Variants in DENND6A observed in about 807,000 individuals in gnomAD.
DENND6A encodes the protein protein DENND6A.
Under a neutral mutation model 95.5 loss-of-function variants are expected in DENND6A, and 43 were observed. The observed-to-expected ratio is 0.45, with a 90% CI of 0.35 to 0.58. The LOEUF is 0.58. DENND6A is among the 20% of genes least tolerant of loss of function. DENND6A has a pLI of 0.00. For synonymous variants in DENND6A, 257 were observed against 260.4 expected (o/e 0.99, Z 0.13); for missense variants, 574 against 736.0 (o/e 0.78, Z 2.55).
chr3:57,670,926 T>C (rs1374697730), intron 3 of DENND6A, among the ~76,000 whole-genome samples: 1 of 152,206 alleles, frequency 6.6e-6, no homozygotes, highest in Non-Finnish European at 1.5e-5. Flanking sequence ...ACAGATTTTA[T>C]AAGAAAAATG....
rs1431756591 is a variant in DENND6A at position 57,627,007 on chromosome 3, A to G, written c.*1207T>C. ...CACTCAAATAAGTATCACATAAAAA[A>G]CTCATGAATGCCTTTGAAATAAGAA... On this transcript the variant is annotated 3_prime_UTR_variant, in exon 20 of 20. Coordinates refer to ENST00000311128, the MANE Select transcript of DENND6A (RefSeq NM_152678.3). 1.3e-5 allele frequency: 2 copies of G among 152,094 alleles called. No homozygotes were observed. Among genetic ancestry groups the G allele is most frequent in the Non-Finnish European group, 2.9e-5 (2 of 68,014 alleles). The allele number at this position is 152,094 out of a possible 1,614,324, so 9.4% of individuals were successfully genotyped here.
At chr3:57,683,551 A>G (rs1423173944) in intron 1 of DENND6A, among the ~76,000 whole-genome samples, 1 of 152,258 alleles carries the variant, frequency 6.6e-6, no homozygotes, top group East Asian at 1.9e-4. Context: ...CATTTTGCCA[A>G]CTAAAGGATC....
chr3:57,661,401 G>C, intron 6 of DENND6A, 45 bp downstream of exon 6: 1 of 1,362,848 alleles, frequency 7.3e-7, no homozygotes, highest in African/African-American at 1.5e-5. Context: ...CTTATTTCCA[G>C]TAAAAATTTT....
chr3:57,669,438 A>G (rs992203051), intron 3 of DENND6A, among the ~76,000 whole-genome samples: 1 of 152,082 alleles, frequency 6.6e-6, no homozygotes. Context: ...AAAATCAGTC[A>G]GGCGTGGTAG....
rs769982642 is a variant in DENND6A, at chr3:57,661,570, C to T, written c.514-19G>A. 2 of 1,543,898 alleles carry T rather than the reference C, an allele frequency of 1.3e-6. No individual in the cohort carries two copies. The highest frequency in any genetic ancestry group is 1.7e-6 in the Non-Finnish European group (2 of 1,150,306). ...CCAAGGACTGAGGAAAAAACAAAAA[C>T]AATGTTTTAAAAATTGCTTTGTCAT... On this transcript the variant is annotated intron_variant, in intron 5 of 19. Transcript: ENST00000311128.
chr3:57,661,676 G>T (rs968277889), intron 5 of DENND6A, 125 bp from the exon 6 acceptor site: 7 of 707,258 alleles, frequency 9.9e-6, no homozygotes, highest in African/African-American at 1.9e-5. Context: ...TTTTACAGTG[G>T]ATAGTTAAAA....
intron 4 of DENND6A, 143 bp from the exon 5 acceptor site, chr3:57,663,859 A>G (rs1453888890): frequency 3.7e-5 from 16 of 427,246 alleles, no homozygotes; most frequent in Non-Finnish European, 6.3e-5. Flanking sequence ...ACGAAGAGCT[A>G]GTTACGCTTT....
rs2077285503 is a variant in DENND6A at position 57,692,970 on chromosome 3, A to G, written c.49T>C (p.Leu17=). 2.0e-6 allele frequency: 3 copies of G among 1,533,708 alleles called. No individual in the cohort carries two copies. Among genetic ancestry groups the G allele is most frequent in the East Asian group, 2.6e-5 (1 of 38,226 alleles). Residue 17 remains leucine, a synonymous_variant, in exon 1 of 20, where the codon TTG becomes CTG. Transcript: ENST00000311128. Reference sequence around the variant, plus strand: ...TCGGCCCCTGCCACCGCTTCGTCCAACGGCCTTCGAGAGCCGGGCCCCAAG... The same window carrying G: ...TCGGCCCCTGCCACCGCTTCGTCCAGCGGCCTTCGAGAGCCGGGCCCCAAG... ...AGLGPGSRRP[L]DEAVAGAEGR... is the part of the protein sequence containing the mutation.
intron 4 of DENND6A, among the ~76,000 whole-genome samples, chr3:57,664,477 G>A (rs2071493232): frequency 6.6e-6 from 1 of 152,286 alleles, no homozygotes; most frequent in Middle Eastern, 3.4e-3. Context: ...TGTTAGAGAA[G>A]ATAAAAAGAT....
chr3:57,652,489 C>T (rs1258070871), intron 9 of DENND6A, among the ~76,000 whole-genome samples: 2 of 152,178 alleles, frequency 1.3e-5, no homozygotes, highest in African/African-American at 4.8e-5. Context: ...GCCAGAACTA[C>T]CCACCTAAGC....
chr3:57,657,075 G>A (rs1252510475), intron 9 of DENND6A, among the ~76,000 whole-genome samples: 1 of 152,220 alleles, frequency 6.6e-6, no homozygotes, highest in African/African-American at 2.4e-5. Flanking sequence ...CTATACATCA[G>A]AACTACCTGG....
chr3:57,637,717 C>T (rs1350517843), intron 12 of DENND6A, among the ~76,000 whole-genome samples: 1 of 140,656 alleles, frequency 7.1e-6, no homozygotes. Context: ...GATTTCATGA[C>T]TATGACACCA....
At chr3:57,682,281 C>CAAAAAAAAA (rs10618015) in intron 1 of DENND6A, among the ~76,000 whole-genome samples, 9 of 53,564 alleles carry the variant, frequency 1.7e-4, no homozygotes, top group African/African-American at 7.4e-4. Flanking sequence ...GACTCCGTCT[C>CAAAAAAAAA]AAAAAAAAAA....
At chr3:57,631,896 G>C (rs2070687842) in intron 15 of DENND6A, among the ~76,000 whole-genome samples, 1 of 149,920 alleles carries the variant, frequency 6.7e-6, no homozygotes, top group Non-Finnish European at 1.5e-5. Context: ...CTAATTTTTT[G>C]TATTTTTAGT....
chr3:57,628,905 A>G lies in DENND6A; in HGVS notation c.1621-20T>C. The G allele has an allele frequency of 6.2e-7, 1 of 1,600,078 alleles. No homozygotes were observed. The highest frequency in any genetic ancestry group is 1.1e-5 in the South Asian group (1 of 88,788). The stretch of plus-strand genomic sequence containing the variant: ...TAAGTCCTAGAATAAATAAAGTCCC[A>G]AATCAGTAAGTTCTCAAAATAATAT... On this transcript the variant is annotated intron_variant, in intron 18 of 19. Transcript: ENST00000311128.
Position 57,672,238 on chromosome 3 carries a change from T to G in DENND6A, c.319+18A>C. 1 of 1,597,710 alleles carries G rather than the reference T, an allele frequency of 6.3e-7. No individual in the cohort carries two copies. Among genetic ancestry groups the G allele is most frequent in the Non-Finnish European group, 8.5e-7 (1 of 1,171,214 alleles). ...TTAGTATAAAATTAAACAGAAACAC[T>G]GTATGAAAAACAGTTACCTGAATTT... is the stretch of plus-strand genomic sequence containing the variant. On this transcript the variant is annotated intron_variant, in intron 3 of 19. Transcript: ENST00000311128.
At chr3:57,676,329 G>A (rs1332912501) in intron 1 of DENND6A, among the ~76,000 whole-genome samples, 1 of 129,530 alleles carries the variant, frequency 7.7e-6, no homozygotes. Context: ...GCAGTGAGCT[G>A]AAATCACACC....
At chr3:57,684,003 A>C (rs2077189060) in intron 1 of DENND6A, among the ~76,000 whole-genome samples, 1 of 152,034 alleles carries the variant, frequency 6.6e-6, no homozygotes, top group Admixed American at 6.6e-5. Context: ...AAATACAAAA[A>C]TTAGCCCGGT....
At chr3:57,692,681 G>A in intron 1 of DENND6A, 101 bp downstream of exon 1, 17 of 1,120,976 alleles carry the variant, frequency 1.5e-5, no homozygotes, top group Non-Finnish European at 2.0e-5. Flanking sequence ...CGGATGCGCC[G>A]CGGACAGGGT....
Sources: gnomAD v4.1 joint callset for allele counts (sites outside exome capture counted in the v4.1 genomes callset) on GRCh38, gnomAD v4.1.1 for gene constraint, MANE v1.5 for transcripts, NCBI Gene and HGNC (gene_info 2026-07-23, HGNC 2026-07-21) for gene names.